The following MAGI2 variants were observed in gnomAD, a reference collection of about 807,000 sequenced individuals.
MAGI2 encodes membrane associated guanylate kinase, WW and PDZ domain containing 2, also known as membrane-associated guanylate kinase, WW and PDZ domain-containing protein 2.
Under a neutral mutation model 133.3 loss-of-function variants are expected in MAGI2, and 35 were observed. The ratio of observed to expected loss-of-function variants is 0.26; its 90% CI spans 0.20 to 0.35. The LOEUF (loss-of-function observed/expected upper bound fraction) is 0.35. Among genes scored for constraint, MAGI2 ranks in the 10% least tolerant of loss-of-function variants. The pLI, the probability that MAGI2 is intolerant of heterozygous loss-of-function variation, is 1.00. For missense variants in MAGI2, 1,636 were observed against 1,863.4 expected (o/e 0.88, Z 2.25); for synonymous variants, 729 against 710.6 (o/e 1.03, Z -0.41).
intron 2 of MAGI2, among the ~76,000 whole-genome samples, chr7:78,784,854 C>T (rs1353382572): frequency 2.0e-5 from 3 of 152,156 alleles, no homozygotes; most frequent in Non-Finnish European, 4.4e-5. Context: ...TCTTTTGTTA[C>T]AGGAGTGTTG....
At chr7:78,235,970 A>G (rs11768631) in intron 10 of MAGI2, among the ~76,000 whole-genome samples, 44,189 of 151,488 alleles carry the variant, frequency 0.29, 7,499 homozygotes, top group Non-Finnish European at 0.37. Context: ...CTAGAAATCT[A>G]GTATTATGAT....
intron 1 of MAGI2, among the ~76,000 whole-genome samples, chr7:79,381,463 C>A (rs918583385): frequency 1.3e-5 from 2 of 151,662 alleles, no homozygotes; most frequent in African/African-American, 4.8e-5. Context: ...ATTTCTAGTT[C>A]TTTCATCCTT....
intron 1 of MAGI2, among the ~76,000 whole-genome samples, chr7:79,135,275 C>T (rs1821289392): frequency 6.6e-6 from 1 of 151,832 alleles, no homozygotes; most frequent in African/African-American, 2.4e-5. Context: ...AAGAGATATT[C>T]CAATATTATT....
intron 1 of MAGI2, among the ~76,000 whole-genome samples, chr7:79,250,923 A>C (rs1194927976): frequency 2.0e-5 from 3 of 152,168 alleles, no homozygotes; most frequent in Non-Finnish European, 4.4e-5. Context: ...GAGAACCCAG[A>C]AACAAATCCA....
chr7:78,140,080 CT>C (rs1822590535), intron 16 of MAGI2, among the ~76,000 whole-genome samples: 1 of 152,108 alleles, frequency 6.6e-6, no homozygotes, highest in Admixed American at 6.5e-5. Flanking sequence ...GTTGGATTCT[CT>C]TCTGGGACCT....
At chr7:78,458,122 A>G (rs527693214) in intron 6 of MAGI2, among the ~76,000 whole-genome samples, 1 of 151,818 alleles carries the variant, frequency 6.6e-6, no homozygotes, top group Non-Finnish European at 1.5e-5. Flanking sequence ...ATGGTGAAAC[A>G]CCGTCTCTAC....
intron 9 of MAGI2, among the ~76,000 whole-genome samples, chr7:78,341,506 T>C (rs939050019): frequency 4.8e-4 from 73 of 152,118 alleles, no homozygotes; most frequent in African/African-American, 1.8e-3. Flanking sequence ...GCTAAGACAA[T>C]CCTAAGCAAA....
chr7:78,134,292 C>G (rs1192468124), intron 17 of MAGI2: 1 of 152,232 alleles, frequency 6.6e-6, no homozygotes, highest in Non-Finnish European at 1.5e-5. Flanking sequence ...GTTGAGTGAG[C>G]CCATCAGCCT....
intron 1 of MAGI2, among the ~76,000 whole-genome samples, chr7:79,400,987 T>C (rs981650885): frequency 2.8e-4 from 42 of 152,254 alleles, no homozygotes; most frequent in Middle Eastern, 3.4e-3. Flanking sequence ...GTTATGGGTA[T>C]ATTTAACATA....
intron 1 of MAGI2, among the ~76,000 whole-genome samples, chr7:79,270,322 C>A (rs1834785468): frequency 6.6e-6 from 1 of 152,094 alleles, no homozygotes; most frequent in Admixed American, 6.6e-5. Flanking sequence ...TGCAATGCCA[C>A]AGTCTCAGTG....
intron 1 of MAGI2, among the ~76,000 whole-genome samples, chr7:79,267,201 C>G (rs1324685428): frequency 6.6e-6 from 1 of 152,192 alleles, no homozygotes; most frequent in East Asian, 1.9e-4. Context: ...TTAGCCAACT[C>G]TATTCTCCCT....
intron 3 of MAGI2, among the ~76,000 whole-genome samples, chr7:78,544,701 A>C (rs966888850): frequency 4.6e-5 from 7 of 151,968 alleles, no homozygotes; most frequent in Non-Finnish European, 8.8e-5. Flanking sequence ...TTTTAACAAG[A>C]CCCTCAGGTG....
At chr7:78,708,413 A>T (rs1237951127) in intron 2 of MAGI2, among the ~76,000 whole-genome samples, 1 of 152,196 alleles carries the variant, frequency 6.6e-6, no homozygotes, top group African/African-American at 2.4e-5. Flanking sequence ...AGAATAATTC[A>T]GAGCCTTTTC....
At chr7:78,585,820 T>G (rs1459464684) in intron 3 of MAGI2, among the ~76,000 whole-genome samples, 1 of 152,168 alleles carries the variant, frequency 6.6e-6, no homozygotes, top group East Asian at 1.9e-4. Context: ...GTGGGGTTAC[T>G]TTACAGTCTT....
At chr7:78,407,414 TG>T (rs1426901446) in intron 6 of MAGI2, among the ~76,000 whole-genome samples, 1 of 151,982 alleles carries the variant, frequency 6.6e-6, no homozygotes, top group African/African-American at 2.4e-5. Context: ...TGTTAAAAGG[TG>T]TTTTTTTATC....
chr7:79,102,772 G>A (rs969152134), intron 1 of MAGI2, among the ~76,000 whole-genome samples: 3 of 152,156 alleles, frequency 2.0e-5, no homozygotes, highest in Non-Finnish European at 2.9e-5. Flanking sequence ...AGGATATTGC[G>A]ATGATCTTTT....
intron 2 of MAGI2, among the ~76,000 whole-genome samples, chr7:78,783,374 C>T (rs759503512): frequency 6.6e-6 from 1 of 152,022 alleles, no homozygotes; most frequent in Non-Finnish European, 1.5e-5. Context: ...GACATAAAGC[C>T]ATGTCAGCGT....
At chr7:78,257,182 T>G (rs1437973454) in intron 9 of MAGI2, among the ~76,000 whole-genome samples, 1 of 152,186 alleles carries the variant, frequency 6.6e-6, no homozygotes, top group Non-Finnish European at 1.5e-5. Flanking sequence ...ACACCTTGGC[T>G]CTACTATTTA....
At chr7:79,392,681 C>T (rs2364912) in intron 1 of MAGI2, among the ~76,000 whole-genome samples, 1 of 151,960 alleles carries the variant, frequency 6.6e-6, no homozygotes, top group Non-Finnish European at 1.5e-5. Context: ...CTGTTCATAA[C>T]CTTTGCCCAC....
Sources: gnomAD v4.1 joint callset for allele counts (sites outside exome capture counted in the v4.1 genomes callset) on GRCh38, gnomAD v4.1.1 for gene constraint, MANE v1.5 for transcripts, NCBI Gene and HGNC (gene_info 2026-07-23, HGNC 2026-07-21) for gene names.